Variants in IDO2 observed in about 807,000 individuals in gnomAD.
IDO2 encodes the protein indoleamine 2,3-dioxygenase 2.
A neutral mutation model predicts 45.1 loss-of-function variants in IDO2; 46 were observed. The ratio of observed to expected loss-of-function variants is 1.02; its 90% confidence interval spans 0.80 to 1.30. The LOEUF (loss-of-function observed/expected upper bound fraction) is 1.30, where lower values mean the gene tolerates loss of function less well. Among genes scored for constraint, IDO2 ranks in the 50% most tolerant of loss-of-function variants. IDO2 has a pLI of 0.00. For synonymous variants in IDO2, 218 were observed against 184.9 expected (o/e 1.18, Z -1.45); for missense variants, 544 against 491.8 (o/e 1.11, Z -1.00).
chr8:39,935,661 G>C (rs1158399689), intron 1 of IDO2, among the ~76,000 whole-genome samples: 1 of 152,042 alleles, frequency 6.6e-6, no homozygotes, highest in East Asian at 1.9e-4. Context: ...TGTTGGCCAG[G>C]CTGGCCTCAA....
At chr8:39,963,527 C>G in intron 2 of IDO2, 81 bp from the exon 3 acceptor site, 1 of 774,320 alleles carries the variant, frequency 1.3e-6, no homozygotes, top group Non-Finnish European at 2.1e-6. Flanking sequence ...CCCCTGAAGA[C>G]TGAAATGTGA....
intron 3 of IDO2, among the ~76,000 whole-genome samples, chr8:39,964,733 T>C (rs1172226155): frequency 2.0e-5 from 3 of 152,178 alleles, no homozygotes; most frequent in African/African-American, 7.2e-5. Context: ...AATGTTGTGT[T>C]GACATGACCA....
At chr8:39,957,708 G>A (rs1807925340) in intron 2 of IDO2, among the ~76,000 whole-genome samples, 1 of 152,192 alleles carries the variant, frequency 6.6e-6, no homozygotes, top group African/African-American at 2.4e-5. Flanking sequence ...AGAAGGGCAT[G>A]TAATAGCTCT....
At chr8:39,942,720 G>A (rs894544356) in intron 1 of IDO2, among the ~76,000 whole-genome samples, 16 of 152,202 alleles carry the variant, frequency 1.1e-4, no homozygotes, top group Admixed American at 4.6e-4. Context: ...TCTGATGCCA[G>A]CTTCCAGGAA....
intron 1 of IDO2, among the ~76,000 whole-genome samples, chr8:39,940,929 G>GAA (rs35440780): frequency 0.12 from 16,511 of 138,426 alleles, 1,387 homozygotes; most frequent in East Asian, 0.31. Flanking sequence ...AAATAAAATT[G>GAA]AAAAAAAAAA....
chr8:39,960,724 C>G (rs980197287), intron 2 of IDO2, among the ~76,000 whole-genome samples: 1 of 152,180 alleles, frequency 6.6e-6, no homozygotes, highest in Non-Finnish European at 1.5e-5. Context: ...TGTAATGATG[C>G]GGTTGACCTT....
chr8:39,957,444 T>G (rs1223678071), intron 2 of IDO2, among the ~76,000 whole-genome samples: 1 of 152,008 alleles, frequency 6.6e-6, no homozygotes, highest in African/African-American at 2.4e-5. Flanking sequence ...AGACCCCATC[T>G]CTACAAAAAT....
At chr8:40,010,297 G>A (rs2129595521) in intron 9 of IDO2, among the ~76,000 whole-genome samples, 1 of 152,258 alleles carries the variant, frequency 6.6e-6, no homozygotes, top group African/African-American at 2.4e-5. Flanking sequence ...TGAGGTGGGA[G>A]CGTGTTGGTC....
chr8:39,970,886 C>T (rs562681092), intron 3 of IDO2, among the ~76,000 whole-genome samples: 1 of 151,600 alleles, frequency 6.6e-6, no homozygotes, highest in Admixed American at 6.6e-5. Context: ...CCTGCCTCAG[C>T]CTCCTGAGTA....
chr8:39,965,720 T>A (rs2340952), intron 3 of IDO2, among the ~76,000 whole-genome samples: 55,478 of 151,712 alleles, frequency 0.37, 10,644 homozygotes, highest in East Asian at 0.58. Context: ...GAACATAGAC[T>A]CAAGGGAAAA....
At chr8:39,978,740 T>C (rs927652950) in intron 3 of IDO2, among the ~76,000 whole-genome samples, 1 of 152,090 alleles carries the variant, frequency 6.6e-6, no homozygotes, top group African/African-American at 2.4e-5. Flanking sequence ...CGCTCAGTCC[T>C]GGGAGTTAAG....
chr8:39,982,956 T>C (rs150078593), intron 5 of IDO2, among the ~76,000 whole-genome samples, 186 bp downstream of exon 5: 191 of 152,324 alleles, frequency 1.3e-3, no homozygotes, highest in East Asian at 9.6e-3. Flanking sequence ...TCTGAACACA[T>C]TGGCTCAGAC....
chr8:39,985,728 G>A (rs903536961), intron 6 of IDO2: 2 of 522,014 alleles, frequency 3.8e-6, no homozygotes, highest in South Asian at 3.4e-5. Flanking sequence ...TATAGATAAG[G>A]GATTTTTTTT....
intron 1 of IDO2, among the ~76,000 whole-genome samples, chr8:39,935,900 C>G (rs1807539887): frequency 6.6e-6 from 1 of 152,180 alleles, no homozygotes; most frequent in South Asian, 2.1e-4. Flanking sequence ...ATTATACCTT[C>G]TTTAACTATG....
intron 1 of IDO2, among the ~76,000 whole-genome samples, chr8:39,938,894 C>T (rs4737159): frequency 0.8 from 121,257 of 152,104 alleles, 49,270 homozygotes; most frequent in Non-Finnish European, 0.87. Context: ...CACTACATTT[C>T]TACATTGGTG....
chr8:40,002,886 C>T (rs753060148), intron 8 of IDO2, among the ~76,000 whole-genome samples: 3 of 152,208 alleles, frequency 2.0e-5, no homozygotes, highest in East Asian at 3.9e-4. Context: ...TTTTGATTAT[C>T]TATTCAATAT....
chr8:39,971,506 T>G (rs1808178529), intron 3 of IDO2, among the ~76,000 whole-genome samples: 1 of 152,190 alleles, frequency 6.6e-6, no homozygotes, highest in Admixed American at 6.5e-5. Context: ...AGAACTATAC[T>G]TTGTAAGGCT....
chr8:39,965,670 T>C (rs1490100728), intron 3 of IDO2, among the ~76,000 whole-genome samples: 2 of 152,112 alleles, frequency 1.3e-5, no homozygotes, highest in Non-Finnish European at 2.9e-5. Context: ...AAATTGTATA[T>C]GATGAGTGTC....
At chr8:39,997,946 A>C (rs550658639) in intron 8 of IDO2, 1 of 221,652 alleles carries the variant, frequency 4.5e-6, no homozygotes, top group South Asian at 8.0e-5. Flanking sequence ...GCCCAGCAGC[A>C]GGTATGAAGC....
Sources: gnomAD v4.1 joint callset for allele counts (sites outside exome capture counted in the v4.1 genomes callset) on GRCh38, gnomAD v4.1.1 for gene constraint, MANE v1.5 for transcripts, NCBI Gene and HGNC (gene_info 2026-07-23, HGNC 2026-07-21) for gene names.